Variants in TEP1 observed in about 807,000 individuals in gnomAD.
The protein encoded by TEP1 is telomerase protein component 1.
TEP1 carries 241 observed loss-of-function variants against 306.3 expected under a neutral mutation model. The observed-to-expected ratio is 0.79, with a 90% confidence interval of 0.71 to 0.88. TEP1 has a LOEUF of 0.88. Among genes scored for constraint, TEP1 ranks in the 40% least tolerant of loss-of-function variants. The probability of loss-of-function intolerance (pLI) is 0.00; values close to 1 mark genes in which losing one functional copy is unlikely to be tolerated. For synonymous variants in TEP1, 1,289 were observed against 1,305.5 expected (o/e 0.99, Z 0.27); for missense variants, 3,051 against 3,276.1 (o/e 0.93, Z 1.68).
At chr14:20,371,150 G>C (rs182405039) in intron 51 of TEP1, 68 bp downstream of exon 51, 1 of 1,370,646 alleles carries the variant, frequency 7.3e-7, no homozygotes, top group Non-Finnish European at 1.0e-6. Context: ...TCCATGACGG[G>C]CCCCAAGGTG....
In TEP1 at chr14:20,368,385, A is replaced by G. The variant is rs1884596487; in HGVS notation, c.*52T>C. On this transcript the variant is annotated 3_prime_UTR_variant, in exon 55 of 55. Coordinates refer to ENST00000262715, the MANE Select transcript of TEP1 (RefSeq NM_007110.5). ...ATTATTAAAAGCTACCAGTGTCTTC[A>G]GGCTTTGCATCTCTAGCACAAGGGG... is the stretch of plus-strand genomic sequence containing the variant. The G allele has an allele frequency of 6.3e-6, 10 of 1,584,796 alleles. No individual in the cohort carries two copies. In the South Asian group the frequency reaches 1.1e-4, roughly 18 times the overall value.
At chr14:20,369,629 C>A in intron 52 of TEP1, 45 bp downstream of exon 52, 1 of 1,613,070 alleles carries the variant, frequency 6.2e-7, no homozygotes, top group South Asian at 1.1e-5. Flanking sequence ...TGCCATCCAC[C>A]CTGGGCCATC....
intron 16 of TEP1, 142 bp downstream of exon 16, chr14:20,389,468 T>A (rs761596899): frequency 6.9e-7 from 1 of 1,447,712 alleles, no homozygotes; most frequent in African/African-American, 1.4e-5. Flanking sequence ...GGCTAAAGTA[T>A]CCACCTGAAG....
At chr14:20,384,815 T>G in intron 21 of TEP1, 102 bp from the exon 22 acceptor site, 2 of 1,480,804 alleles carry the variant, frequency 1.4e-6, no homozygotes, top group Non-Finnish European at 1.8e-6. Flanking sequence ...GCTCCTCAAG[T>G]AGAGAGCTCC....
rs141928410 is a variant in TEP1 at position 20,404,680 on chromosome 14, G to T, written c.963C>A (p.His321Gln). 18 of 1,614,096 alleles carry T rather than the reference G, an allele frequency of 1.1e-5. No individual in the cohort carries two copies. Among genetic ancestry groups the T allele is most frequent in the Non-Finnish European group, 1.5e-5 (18 of 1,180,042 alleles). ...IAAFLPACRP[H>Q]LRRYFCAIVQ... ...CAATGGCACAGAAATATCGTCGCAG[G>T]TGGGGGCGACACGCCGGCAAGAAAG... The change falls in exon 5 of 55, where the codon CAC (histidine) becomes CAA (glutamine). Residue 321 changes from histidine (H) to glutamine (Q), a missense_variant. His to Gln is a conservative substitution (Grantham distance 24). Coordinates refer to ENST00000262715, the MANE Select transcript of TEP1 (RefSeq NM_007110.5).
chr14:20,395,468 A>T lies in TEP1; in HGVS notation c.1910T>A (p.Leu637Gln), dbSNP rs536120307. 6.3e-7 allele frequency: 1 copy of T among 1,599,046 alleles called. No homozygotes were observed. The highest frequency in any genetic ancestry group is 1.3e-5 in the African/African-American group (1 of 74,806). The part of the protein sequence containing the change: ...VLYEQLKREK[L>Q]RVHKARQWKY... ...TACATACCTGGCCTTGTGTACTCTCAGCTTCTCCCTCTTGAGCTGCTCATA... is the reference window on the plus strand; with the variant it reads ...TACATACCTGGCCTTGTGTACTCTCTGCTTCTCCCTCTTGAGCTGCTCATA... Residue 637 changes from leucine to glutamine, a missense_variant, in exon 12 of 55, where the codon CTG becomes CAG. Around this residue, in one of 3 missense-constraint regions of TEP1, gnomAD observed 1,507 missense variants for 1,550.5 expected, o/e 0.97. Coordinates refer to ENST00000262715, the MANE Select transcript of TEP1 (RefSeq NM_007110.5).
chr14:20,400,331 A>T (rs1170237560), intron 9 of TEP1, among the ~76,000 whole-genome samples: 5 of 151,252 alleles, frequency 3.3e-5, no homozygotes, highest in African/African-American at 7.3e-5. Context: ...CATGCCTATA[A>T]TTCCAGCACT....
In TEP1 at chr14:20,378,486, T is replaced by G; in HGVS notation, c.5402A>C (p.Lys1801Thr). The change falls in exon 38 of 55, where the codon AAG becomes ACG. Residue 1801 changes from lysine to threonine, a missense_variant. Lys to Thr is a moderately conservative substitution (Grantham distance 78). This residue lies in a region of TEP1 where 1,540 missense variants were observed against 1,705.9 expected (regional missense o/e 0.90). Coordinates refer to ENST00000262715, the MANE Select transcript of TEP1 (RefSeq NM_007110.5). ...GQLAFQHTYP[K>T]SLNCVAFHPE... The stretch of plus-strand genomic sequence containing the variant: ...GTGGAAGGCAACACAGTTCAGGGAC[T>G]TGGGGTAGGTGTGCTGGAAGGCCAG... The G allele has an allele frequency of 3.7e-6, 6 of 1,614,182 alleles. No homozygotes were observed. Among genetic ancestry groups the G allele is most frequent in the Non-Finnish European group, 5.1e-6 (6 of 1,180,032 alleles).
chr14:20,384,504 G>T lies in TEP1; in HGVS notation c.3226C>A (p.Pro1076Thr), dbSNP rs1876942158. 1 of 1,614,046 alleles carries T rather than the reference G, an allele frequency of 6.2e-7. No homozygotes were observed. The highest frequency in any genetic ancestry group is 8.5e-7 in the Non-Finnish European group (1 of 1,180,024). ...RQKGITCRRY[P>T]CEWGGVAAGR... ...GCTGCCACACCCCCCCACTCACAGGGGTATCTGTGGGCAAATCAAGCACAA... is the reference window on the plus strand; with the variant it reads ...GCTGCCACACCCCCCCACTCACAGGTGTATCTGTGGGCAAATCAAGCACAA... Residue 1076 changes from proline to threonine, a missense_variant, in exon 23 of 55, where the codon CCC becomes ACC. Pro to Thr is a conservative substitution (Grantham distance 38). This residue lies in a region of TEP1 where 1,507 missense variants were observed against 1,550.5 expected (regional missense o/e 0.97). Coordinates refer to ENST00000262715, the MANE Select transcript of TEP1 (RefSeq NM_007110.5).
chr14:20,366,231 C>G lies in TEP1; in HGVS notation c.*2206G>C, dbSNP rs970762297. On this transcript the variant is annotated 3_prime_UTR_variant, in exon 55 of 55. Coordinates refer to ENST00000262715, the MANE Select transcript of TEP1 (RefSeq NM_007110.5). The stretch of plus-strand genomic sequence containing the variant: ...GTCAAGTTAGCCTTTGCTTAACTTT[C>G]CCCAACCCCTTCACTCCAGCCTTAG... The G allele has an allele frequency of 6.6e-5, 10 of 152,328 alleles. No homozygotes were observed. The highest frequency in any genetic ancestry group is 1.5e-4 in the Non-Finnish European group (10 of 68,024). The allele number at this position is 152,328 out of a possible 1,614,324, so 9.4% of individuals were successfully genotyped here. A position where few individuals can be genotyped will look rare whatever the true frequency, so the allele number is the denominator to read the frequency against.
chr14:20,391,105 A>G lies in TEP1; in HGVS notation c.2098-9T>C. ...GCATAGTTCAGCGGGGGCTGATTGG[A>G]CAAGTGTCAGGGGAAATAAAGCTCC... On this transcript the variant is annotated splice_polypyrimidine_tract_variant and intron_variant, in intron 13 of 54. Coordinates refer to ENST00000262715, the MANE Select transcript of TEP1 (RefSeq NM_007110.5). 2 of 1,613,554 alleles carry G rather than the reference A, an allele frequency of 1.2e-6. No homozygotes were observed. Among genetic ancestry groups the G allele is most frequent in the Non-Finnish European group, 1.7e-6 (2 of 1,179,870 alleles).
At position 20,377,359 on chromosome 14, in the gene TEP1, C is replaced by T; in HGVS notation, c.6009G>A (p.Gln2003=). Residue 2003 remains glutamine, a synonymous_variant, in exon 41 of 55, where the codon CAG becomes CAA. Coordinates refer to ENST00000262715, the MANE Select transcript of TEP1 (RefSeq NM_007110.5). The part of the protein sequence containing the change: ...QGWALKECSL[Q]SLWLLSRFQK... ...GGAATCTGGACAGGAGCCAGAGGGA[C>T]TGAAGGGAGCATTCCTTGAGTGCCC... The T allele has an allele frequency of 2.5e-6, 4 of 1,614,168 alleles. No individual in the cohort carries two copies. Among genetic ancestry groups the T allele is most frequent in the Non-Finnish European group, 3.4e-6 (4 of 1,180,036 alleles).
intron 17 of TEP1, among the ~76,000 whole-genome samples, chr14:20,388,955 C>T (rs562031514): frequency 2.0e-5 from 3 of 152,262 alleles, no homozygotes; most frequent in Admixed American, 6.5e-5. Flanking sequence ...CAAGACCAGC[C>T]TGACCAACAT....
At position 20,401,128 on chromosome 14, in the gene TEP1, G is replaced by A. The variant is rs746809216; in HGVS notation, c.1405C>T (p.Leu469=). 1 of 1,614,132 alleles carries A rather than the reference G, an allele frequency of 6.2e-7. No individual in the cohort carries two copies. Among genetic ancestry groups the A allele is most frequent in the Non-Finnish European group, 8.5e-7 (1 of 1,180,018 alleles). Reference sequence around the variant, plus strand: ...AGGCGACTTCGAGAAAAGAGCTGTAGGTTGGAGGGGTATCTGAGGATAGGT... The same window carrying A: ...AGGCGACTTCGAGAAAAGAGCTGTAAGTTGGAGGGGTATCTGAGGATAGGT... ...ALLGYRYPSN[L]QLFSRSRLPG... Residue 469 remains leucine (L), a synonymous_variant, in exon 9 of 55, where the codon CTA becomes TTA. Transcript: ENST00000262715.
chr14:20,409,489 C>T (rs557258873), intron 1 of TEP1, among the ~76,000 whole-genome samples: 4 of 152,308 alleles, frequency 2.6e-5, no homozygotes, highest in African/African-American at 9.6e-5. Context: ...ATCCATTTCC[C>T]CGTTGGACAT....
In TEP1 at chr14:20,382,339, C is replaced by T. The variant is rs779664603; in HGVS notation, c.4158G>A (p.Arg1386=). ...TLYEQVSERL[R]TLPATVPLLL... The stretch of plus-strand genomic sequence containing the variant: ...GCAGGGGGACAGTGGCAGGCAGGGT[C>T]CGGAGTCTCTCAGACACCTAGGATG... Residue 1386 remains arginine, a synonymous_variant, in exon 29 of 55, where the codon CGG becomes CGA. Coordinates refer to ENST00000262715, the MANE Select transcript of TEP1 (RefSeq NM_007110.5). 3.7e-5 allele frequency: 59 copies of T among 1,611,336 alleles called. 1 individual carries two copies. The Admixed American group carries it at 9.9e-4, about 27-fold the overall frequency.
chr14:20,383,718 G>T (rs768681029), intron 25 of TEP1, 25 bp downstream of exon 25: 1 of 1,609,314 alleles, frequency 6.2e-7, no homozygotes, highest in East Asian at 2.2e-5. Context: ...CATCAACAAG[G>T]CTGGGCTCAT....
chr14:20,408,092 A>G lies in TEP1; in HGVS notation c.348T>C (p.Ser116=). ...SLENRCLATL[S]SLKSTVSASP... ...TGGCAGACACAGTGCTCTTTAGACT[A>G]GAGAGGGTGGCCAGGCACCGGTTCT... Residue 116 remains serine, a synonymous_variant, in exon 2 of 55, where the codon TCT becomes TCC. Transcript: ENST00000262715. 6.2e-7 allele frequency: 1 copy of G among 1,614,140 alleles called. No homozygotes were observed. Among genetic ancestry groups the G allele is most frequent in the Non-Finnish European group, 8.5e-7 (1 of 1,180,026 alleles).
chr14:20,404,009 C>CA (rs2139186173), intron 5 of TEP1, 125 bp from the exon 6 acceptor site: 2 of 1,268,646 alleles, frequency 1.6e-6, no homozygotes, highest in East Asian at 4.7e-5. Context: ...GCCCTAGCTC[C>CA]AAAATCACAA....
Sources: gnomAD v4.1 joint callset for allele counts (sites outside exome capture counted in the v4.1 genomes callset) on GRCh38, gnomAD v4.1.1 for gene constraint, gnomAD v4.1.1 regional missense constraint, MANE v1.5 for transcripts, NCBI Gene and HGNC (gene_info 2026-07-23, HGNC 2026-07-21) for gene names.